DPYSL3: variants seen among roughly 807,000 people sequenced by gnomAD.
DPYSL3 encodes the protein dihydropyrimidinase-related protein 3.
A neutral mutation model predicts 66.1 loss-of-function variants in DPYSL3; 16 were observed. The observed-to-expected ratio is 0.24, with a 90% CI of 0.16 to 0.37. The LOEUF (loss-of-function observed/expected upper bound fraction) is 0.37, where lower values mean the gene tolerates loss of function less well. Ranked by LOEUF, DPYSL3 falls within the 10% of genes least tolerant of loss-of-function variation. DPYSL3 has a pLI of 1.00. For missense variants in DPYSL3, 738 were observed against 916.2 expected, an observed-to-expected ratio of 0.81 and a Z score of 2.51; for synonymous variants, 338 against 345.1, an observed-to-expected ratio of 0.98 and a Z score of 0.23.
intron 1 of DPYSL3, among the ~76,000 whole-genome samples, chr5:147,431,821 A>G (rs987835702): frequency 1.3e-5 from 2 of 151,736 alleles, no homozygotes; most frequent in Non-Finnish European, 2.9e-5. Context: ...CTCTGGAAAT[A>G]AGCCCTTGTG....
chr5:147,509,444 A>G lies in DPYSL3; in HGVS notation c.381+34T>C. On this transcript the variant is annotated intron_variant, in intron 1 of 13. Transcript: ENST00000343218. The surrounding 1 kb of genome is among the most constrained non-coding windows in gnomAD (Gnocchi z 5.3). ...CGGCCAGGGCTGGAGAAAGGAACGA[A>G]GGCAAGGAGGGAAGTGACCCGGGGC... is the stretch of plus-strand genomic sequence containing the variant. The G allele has an allele frequency of 6.1e-6, 9 of 1,468,664 alleles. No homozygotes were observed. The highest frequency in any genetic ancestry group is 8.1e-6 in the Non-Finnish European group (9 of 1,114,288). 91.0% of individuals were successfully genotyped at this position (1,468,664 alleles called of 1,614,324 possible). A position where few individuals can be genotyped will look rare whatever the true frequency, so the allele number is the denominator to read the frequency against.
chr5:147,464,608 T>A (rs750814872), intron 1 of DPYSL3, among the ~76,000 whole-genome samples: 3 of 152,206 alleles, frequency 2.0e-5, no homozygotes, highest in Admixed American at 2.0e-4. Context: ...TGGGTTCTTA[T>A]ATGTACTAAC....
intron 1 of DPYSL3, among the ~76,000 whole-genome samples, chr5:147,458,202 G>A (rs1752880342): frequency 1.3e-5 from 2 of 152,110 alleles, no homozygotes; most frequent in Non-Finnish European, 1.5e-5. Context: ...GAGAGAGGAG[G>A]TCGGCACAAG....
At chr5:147,491,831 T>C (rs1172943532) in intron 1 of DPYSL3, among the ~76,000 whole-genome samples, 1 of 150,384 alleles carries the variant, frequency 6.6e-6, no homozygotes, top group Non-Finnish European at 1.5e-5. Context: ...AAATGAATAA[T>C]GAAAATATCA....
chr5:147,483,369 C>T (rs922699639), intron 1 of DPYSL3, among the ~76,000 whole-genome samples: 2 of 152,142 alleles, frequency 1.3e-5, no homozygotes, highest in African/African-American at 2.4e-5. Flanking sequence ...ACAATGGCCC[C>T]GGCTAATGTA....
In DPYSL3 at chr5:147,391,449, C is replaced by T. The variant is rs1416581931; in HGVS notation, c.*2586G>A. ...ATGGATTGCCATCTGGGTTCAGAGG[C>T]AATATGAGGAGGTTGGGGGGATGGC... On this transcript the variant is annotated 3_prime_UTR_variant, in exon 14 of 14. Transcript: ENST00000343218. The T allele has an allele frequency of 1.3e-5, 2 of 152,324 alleles. No individual in the cohort carries two copies. The highest frequency in any genetic ancestry group is 2.4e-5 in the African/African-American group (1 of 41,338). 9.4% of individuals were successfully genotyped at this position (152,324 alleles called of 1,614,324 possible).
At chr5:147,415,610 G>C (rs571637000) in intron 4 of DPYSL3, 99 bp downstream of exon 4, 1 of 1,449,454 alleles carries the variant, frequency 6.9e-7, no homozygotes, top group African/African-American at 1.4e-5. Context: ...AAGGTTCCAG[G>C]CTCCAAGTAA....
intron 1 of DPYSL3, among the ~76,000 whole-genome samples, chr5:147,443,691 G>C (rs566091379): frequency 6.6e-6 from 1 of 151,682 alleles, no homozygotes; most frequent in South Asian, 2.1e-4. Context: ...AACCTCAAAA[G>C]AATCTTACTT....
At chr5:147,422,457 T>C (rs925883336) in intron 2 of DPYSL3, among the ~76,000 whole-genome samples, 8 of 152,098 alleles carry the variant, frequency 5.3e-5, no homozygotes, top group African/African-American at 1.9e-4. Context: ...TCCTCAGGGA[T>C]CTAGAACCAG....
At chr5:147,397,023 ATGTT>A (rs1396528580) in intron 12 of DPYSL3, among the ~76,000 whole-genome samples, 2 of 112,684 alleles carry the variant, frequency 1.8e-5, no homozygotes, top group African/African-American at 7.6e-5. Context: ...AAATATATAA[ATGTT>A]TATTTATATA....
chr5:147,396,638 G>A (rs1423292514), intron 12 of DPYSL3, among the ~76,000 whole-genome samples: 1 of 152,116 alleles, frequency 6.6e-6, no homozygotes, highest in African/African-American at 2.4e-5. Flanking sequence ...TTCTAGTGAT[G>A]TGATGACTGT....
At chr5:147,432,770 T>C (rs1407963011) in intron 1 of DPYSL3, among the ~76,000 whole-genome samples, 3 of 152,200 alleles carry the variant, frequency 2.0e-5, no homozygotes, top group Non-Finnish European at 4.4e-5. Context: ...TTGCTTAATA[T>C]TATCCTTATA....
chr5:147,461,381 C>T (rs1417565195), intron 1 of DPYSL3, among the ~76,000 whole-genome samples: 1 of 152,092 alleles, frequency 6.6e-6, no homozygotes, highest in Non-Finnish European at 1.5e-5. Context: ...AATCAGACAC[C>T]GCCTCCTCAG....
rs1561794172 is a variant in DPYSL3, at chr5:147,453,504, C to CAGGGAGCGAGCGAGGAGGG, written c.382-28560_382-28542dup. ...CCGACCCCGCCCGCAGCGCAGCGGA[C>CAGGGAGCGAGCGAGGAGGG]AGGGAGCGAGCGAGGAGGGAGGGAG... On this transcript the variant is annotated intron_variant, in intron 1 of 13. Coordinates refer to ENST00000343218, the MANE Select transcript of DPYSL3 (RefSeq NM_001197294.2). 4.0e-6 allele frequency: 6 copies of CAGGGAGCGAGCGAGGAGGG among 1,515,228 alleles called. No homozygotes were observed. The South Asian group carries it at 6.2e-5, about 16-fold the overall frequency. 93.9% of individuals were successfully genotyped at this position (1,515,228 alleles called of 1,614,324 possible).
intron 8 of DPYSL3, among the ~76,000 whole-genome samples, chr5:147,405,121 GGAAA>G: frequency 6.6e-6 from 1 of 152,176 alleles, no homozygotes; most frequent in Non-Finnish European, 1.5e-5. Flanking sequence ...ACCAAACAGA[GGAAA>G]GAGAGCCAAG....
At chr5:147,394,152 A>AG in intron 13 of DPYSL3, 29 bp from the exon 14 acceptor site, 2 of 1,474,262 alleles carry the variant, frequency 1.4e-6, no homozygotes, top group East Asian at 2.4e-5. Flanking sequence ...TCCCAGGGGG[A>AG]AAAAAAAAAC....
intron 1 of DPYSL3, among the ~76,000 whole-genome samples, chr5:147,463,459 G>A (rs188458275): frequency 1.3e-5 from 2 of 152,274 alleles, no homozygotes; most frequent in Non-Finnish European, 2.9e-5. Flanking sequence ...AAAAGATCGA[G>A]GAAAAGAAAG....
intron 1 of DPYSL3, among the ~76,000 whole-genome samples, chr5:147,468,206 A>G (rs1753038236): frequency 6.6e-6 from 1 of 152,202 alleles, no homozygotes; most frequent in Non-Finnish European, 1.5e-5. Flanking sequence ...GAAAACAATG[A>G]TTTTTAACAC....
intron 1 of DPYSL3, among the ~76,000 whole-genome samples, chr5:147,439,023 C>A (rs575501070): frequency 1.3e-5 from 2 of 152,254 alleles, no homozygotes; most frequent in East Asian, 1.9e-4. Context: ...CTTTTGATAA[C>A]CCTGTTTCCT....
Sources: allele counts gnomAD v4.1 joint callset (sites outside exome capture counted in the v4.1 genomes callset), GRCh38; gene constraint gnomAD v4.1.1; non-coding constraint Gnocchi (gnomAD v3.1); transcripts MANE v1.5; gene names NCBI Gene and HGNC (gene_info 2026-07-23, HGNC 2026-07-21).